The following SEZ6L2 variants were observed in gnomAD, a reference collection of about 807,000 sequenced individuals.
The protein encoded by SEZ6L2 is seizure related 6 homolog like 2, also known as seizure 6-like protein 2.
In SEZ6L2, 44 loss-of-function variants were observed where a neutral mutation model predicts 97.0. The observed-to-expected ratio is 0.45, with a 90% CI of 0.36 to 0.58. SEZ6L2 has a LOEUF of 0.58. SEZ6L2 is among the 20% of genes least tolerant of loss of function. The pLI is 0.00. For missense variants in SEZ6L2, 1,086 were observed against 1,233.3 expected, an observed-to-expected ratio of 0.88 and a Z score of 1.79; for synonymous variants, 543 against 546.1, an observed-to-expected ratio of 0.99 and a Z score of 0.08.
chr16:29,874,098 T>C (rs1334875828), intron 12 of SEZ6L2, among the ~76,000 whole-genome samples: 2 of 152,112 alleles, frequency 1.3e-5, no homozygotes, highest in African/African-American at 4.8e-5. Context: ...GAAGAGAGCA[T>C]GAATTGGAAA....
Position 29,885,593 on chromosome 16 carries a change from T to A in SEZ6L2, c.1365A>T (p.Arg455=). The A allele has an allele frequency of 6.2e-7, 1 of 1,613,226 alleles. No individual in the cohort carries two copies. Among genetic ancestry groups the A allele is most frequent in the Non-Finnish European group, 8.5e-7 (1 of 1,179,404 alleles). ...GGGGAGTGGGTCACTTACCTTCAAA[T>A]CGAAGGCTTAACAGCAGGGGATTGG... ...TPANPLLLSL[R]FEAFEEDRCF... Residue 455 remains arginine (R), a synonymous_variant, in exon 8 of 18, where the codon CGA becomes CGT. Transcript: ENST00000617533.
At chr16:29,896,283 A>T (rs2068387434) in intron 3 of SEZ6L2, among the ~76,000 whole-genome samples, 1 of 151,166 alleles carries the variant, frequency 6.6e-6, no homozygotes, top group African/African-American at 2.4e-5. Context: ...TTATTTTTTT[A>T]TTTTTATTTT....
At chr16:29,874,547 C>CTTTTTTT (rs1567410632) in intron 12 of SEZ6L2, among the ~76,000 whole-genome samples, 5 of 24,540 alleles carry the variant, frequency 2.0e-4, no homozygotes, top group Non-Finnish European at 3.3e-4. Context: ...TGTGTGTGTG[C>CTTTTTTT]TTGTTTTTTT....
intron 2 of SEZ6L2, 54 bp downstream of exon 2, chr16:29,897,799 G>A (rs758208922): frequency 1.3e-4 from 205 of 1,545,948 alleles, no homozygotes; most frequent in Non-Finnish European, 1.7e-4. Context: ...ATCTCCCTGA[G>A]CCCATATCCC....
At chr16:29,898,521 G>A (rs1468404768) in intron 1 of SEZ6L2, among the ~76,000 whole-genome samples, 3 of 151,940 alleles carry the variant, frequency 2.0e-5, no homozygotes, top group African/African-American at 7.3e-5. Context: ...GGGTCAGAGT[G>A]GGGGACTGAA....
At chr16:29,895,522 C>T in intron 4 of SEZ6L2, 62 bp from the exon 5 acceptor site, 1 of 1,568,240 alleles carries the variant, frequency 6.4e-7, no homozygotes, top group Admixed American at 1.7e-5. Flanking sequence ...TTCCAAAGCC[C>T]CTGTCCTGTG....
Position 29,873,078 on chromosome 16 carries a change from G to A in SEZ6L2, c.2488+162C>T, listed in dbSNP as rs182049631. On this transcript the variant is annotated intron_variant, in intron 14 of 17. Coordinates refer to ENST00000617533, the MANE Select transcript of SEZ6L2 (RefSeq NM_001243332.2). The surrounding 1 kb of genome is among the most constrained non-coding windows in gnomAD (Gnocchi z 4.3). ...CTGAGCCAATCCCATGACCTCACACGACCCAGGGCTTCTGGACACACCCGT... is the reference window on the plus strand; with the variant it reads ...CTGAGCCAATCCCATGACCTCACACAACCCAGGGCTTCTGGACACACCCGT... 7.2e-4 allele frequency among the ~76,000 whole-genome samples: 109 copies of A among 152,284 alleles called. No homozygotes were observed. Among genetic ancestry groups the A allele is most frequent in the Non-Finnish European group, 1.2e-3 (85 of 68,010 alleles).
intron 4 of SEZ6L2, 106 bp from the exon 5 acceptor site, chr16:29,895,566 C>A: frequency 1.4e-6 from 2 of 1,413,864 alleles, no homozygotes; most frequent in African/African-American, 1.4e-5. Flanking sequence ...CAAAAGGCAC[C>A]ACGCTGCTGC....
intron 5 of SEZ6L2, among the ~76,000 whole-genome samples, chr16:29,893,393 T>C (rs2150812154): frequency 6.6e-6 from 1 of 152,024 alleles, no homozygotes; most frequent in African/African-American, 2.4e-5. Flanking sequence ...ATGCCTGTAA[T>C]CCCAGCACTT....
intron 8 of SEZ6L2, 98 bp from the exon 9 acceptor site, chr16:29,880,162 C>A: frequency 8.1e-6 from 9 of 1,106,374 alleles, no homozygotes; most frequent in Non-Finnish European, 8.9e-6. Flanking sequence ...TTTGGCCACT[C>A]ACTGGGCTTT....
At position 29,887,832 on chromosome 16, in the gene SEZ6L2, G is replaced by A. The variant is rs779512622; in HGVS notation, c.1040-15C>T. 6.2e-7 allele frequency: 1 copy of A among 1,613,092 alleles called. No individual in the cohort carries two copies. Among genetic ancestry groups the A allele is most frequent in the East Asian group, 2.2e-5 (1 of 44,840 alleles). On this transcript the variant is annotated splice_polypyrimidine_tract_variant and intron_variant, in intron 6 of 17. Transcript: ENST00000617533. Reference sequence around the variant, plus strand: ...ACCACAGGATGCTGTGGGCAGAGGAGGGGTACGTTAAGGCCAGCCTGAGGT... The same window carrying A: ...ACCACAGGATGCTGTGGGCAGAGGAAGGGTACGTTAAGGCCAGCCTGAGGT...
At chr16:29,881,696 C>T (rs1161149774) in intron 8 of SEZ6L2, among the ~76,000 whole-genome samples, 13 of 132,758 alleles carry the variant, frequency 9.8e-5, no homozygotes, top group African/African-American at 2.9e-4. Flanking sequence ...GGTGTGATCT[C>T]GGCTCACTGC....
Position 29,888,522 on chromosome 16 carries a change from C to T in SEZ6L2, c.1039+18G>A. The T allele has an allele frequency of 6.2e-7, 1 of 1,610,624 alleles. No homozygotes were observed. Among genetic ancestry groups the T allele is most frequent in the Non-Finnish European group, 8.5e-7 (1 of 1,177,714 alleles). ...GTTCCCAGAACAGATGCCCCACCCACTGTGGCAGGAGACTCACCCATGCAG... is the reference window on the plus strand; with the variant it reads ...GTTCCCAGAACAGATGCCCCACCCATTGTGGCAGGAGACTCACCCATGCAG... On this transcript the variant is annotated intron_variant, in intron 6 of 17. Coordinates refer to ENST00000617533, the MANE Select transcript of SEZ6L2 (RefSeq NM_001243332.2).
chr16:29,872,318 AG>A (rs762985018), intron 16 of SEZ6L2, 35 bp from the exon 17 acceptor site: 18 of 1,595,492 alleles, frequency 1.1e-5, no homozygotes, highest in Non-Finnish European at 1.5e-5. Context: ...GCTTATCAAC[AG>A]GTAAGCCCCT....
At chr16:29,896,069 C>T (rs906044872) in intron 3 of SEZ6L2, among the ~76,000 whole-genome samples, 1 of 152,006 alleles carries the variant, frequency 6.6e-6, no homozygotes, top group Non-Finnish European at 1.5e-5. Flanking sequence ...CTCAAGTGAT[C>T]CTCCCTCCTC....
intron 7 of SEZ6L2, among the ~76,000 whole-genome samples, 182 bp downstream of exon 7, chr16:29,887,467 A>AT (rs397855963): frequency 0.029 from 3,752 of 130,468 alleles, 136 homozygotes; most frequent in African/African-American, 0.084. Context: ...TGCCCGGCTA[A>AT]TTTTTTTTTT....
chr16:29,889,748 C>T (rs1442872947), intron 5 of SEZ6L2, among the ~76,000 whole-genome samples: 2 of 150,040 alleles, frequency 1.3e-5, no homozygotes, highest in Non-Finnish European at 3.0e-5. Context: ...CTGACCCAGC[C>T]TCCCAAGTAG....
chr16:29,895,837 C>T lies in SEZ6L2; in HGVS notation c.535G>A (p.Glu179Lys), dbSNP rs748735532. 20 of 1,613,194 alleles carry T rather than the reference C, an allele frequency of 1.2e-5. No individual in the cohort carries two copies. Among genetic ancestry groups the T allele is most frequent in the South Asian group, 6.6e-5 (6 of 90,884 alleles). Residue 179 changes from glutamate to lysine, a missense_variant, in exon 4 of 18, where the codon GAG (glutamate) becomes AAG (lysine). Physicochemically the swap from Glu to Lys is moderately conservative, Grantham distance 56. Around this residue, in one of 2 missense-constraint regions of SEZ6L2, gnomAD observed 776 missense variants for 794.7 expected, o/e 0.98. Transcript: ENST00000617533. ...SPVLCNNNIS[E>K]GEGYVESPDL... ...GGAGACTCCACATACCCTTCGCCCT[C>T]GGAGATGTTGTTATTACACAGAACT...
chr16:29,873,226 G>T lies in SEZ6L2; in HGVS notation c.2488+14C>A. The stretch of plus-strand genomic sequence containing the variant: ...GACACTGGTGTGCCCCTCCTGCCCT[G>T]TCTGGCCAGGCACCTTTGCAGAGTG... On this transcript the variant is annotated intron_variant, in intron 14 of 17. Transcript: ENST00000617533. The surrounding 1 kb of genome is among the most constrained non-coding windows in gnomAD (Gnocchi z 4.3). 1 of 1,613,338 alleles carries T rather than the reference G, an allele frequency of 6.2e-7. No homozygotes were observed. Among genetic ancestry groups the T allele is most frequent in the Non-Finnish European group, 8.5e-7 (1 of 1,179,814 alleles).
Sources: allele counts gnomAD v4.1 joint callset (sites outside exome capture counted in the v4.1 genomes callset), GRCh38; gene constraint gnomAD v4.1.1; regional missense constraint gnomAD v4.1.1; non-coding constraint Gnocchi (gnomAD v3.1); transcripts MANE v1.5; gene names NCBI Gene and HGNC (gene_info 2026-07-23, HGNC 2026-07-21).